MIB1: variants seen among roughly 807,000 people sequenced by gnomAD.
MIB1 encodes the protein E3 ubiquitin-protein ligase MIB1.
A neutral mutation model predicts 124.5 loss-of-function variants in MIB1; 278 were observed. The ratio of observed to expected loss-of-function variants is 2.23; its 90% confidence interval spans 2.02 to 2.47. The LOEUF (loss-of-function observed/expected upper bound fraction) is 2.47. MIB1 is among the 30% of genes most tolerant of loss of function. The pLI, the probability that MIB1 is intolerant of heterozygous loss-of-function variation, is 0.00. For synonymous variants in MIB1, 446 were observed against 429.4 expected (o/e 1.04, Z -0.48); for missense variants, 957 against 1,254.4 (o/e 0.76, Z 3.58).
chr18:21,863,867 G>A (rs2042297918), intron 20 of MIB1, among the ~76,000 whole-genome samples: 1 of 151,984 alleles, frequency 6.6e-6, no homozygotes, highest in African/African-American at 2.4e-5. Flanking sequence ...TTAGCTGGGT[G>A]TGGTGGTGCG....
intron 2 of MIB1, among the ~76,000 whole-genome samples, chr18:21,766,681 T>C (rs2041163334): frequency 6.6e-6 from 1 of 152,086 alleles, no homozygotes; most frequent in Admixed American, 6.6e-5. Context: ...TGAGTAATTT[T>C]GAACAAGTTG....
At position 21,778,088 on chromosome 18, in the gene MIB1, T is replaced by G; in HGVS notation, c.637-15T>G. The G allele has an allele frequency of 6.2e-7, 1 of 1,603,160 alleles. No homozygotes were observed. The highest frequency in any genetic ancestry group is 8.5e-7 in the Non-Finnish European group (1 of 1,170,848). ...AAGTTTCATGGGTGATTTTTCTGGT[T>G]TCTTTTCTTCTTAGTCTGATCTGAA... On this transcript the variant is annotated splice_polypyrimidine_tract_variant and intron_variant, in intron 4 of 20. Coordinates refer to ENST00000261537, the MANE Select transcript of MIB1 (RefSeq NM_020774.4).
chr18:21,836,134 C>T (rs1174710814), intron 12 of MIB1, among the ~76,000 whole-genome samples: 1 of 150,514 alleles, frequency 6.6e-6, no homozygotes, highest in East Asian at 2.0e-4. Context: ...TGTACCCATA[C>T]TCCCAGCTAC....
chr18:21,799,210 C>T (rs2041622026), intron 8 of MIB1, among the ~76,000 whole-genome samples: 1 of 151,966 alleles, frequency 6.6e-6, no homozygotes, highest in African/African-American at 2.4e-5. Flanking sequence ...AGCTTTGTAG[C>T]TTCTGTATTG....
At chr18:21,836,803 T>G (rs1362428818) in intron 12 of MIB1, among the ~76,000 whole-genome samples, 1 of 152,220 alleles carries the variant, frequency 6.6e-6, no homozygotes, top group Non-Finnish European at 1.5e-5. Context: ...TGCTCAAATG[T>G]GTAGGGTAAG....
At chr18:21,804,432 G>A (rs2041681974) in intron 10 of MIB1, among the ~76,000 whole-genome samples, 1 of 152,086 alleles carries the variant, frequency 6.6e-6, no homozygotes, top group African/African-American at 2.4e-5. Flanking sequence ...AAGTTTTATT[G>A]TTTCTTGACC....
At chr18:21,737,652 C>A (rs539001301), upstream of MIB1, among the ~76,000 whole-genome samples, 1 of 152,054 alleles carries the variant, frequency 6.6e-6, no homozygotes, top group African/African-American at 2.4e-5. Flanking sequence ...TACAAAGACA[C>A]ACATAGGCTC....
chr18:21,835,931 A>G (rs1461971962), intron 12 of MIB1, among the ~76,000 whole-genome samples: 2 of 151,516 alleles, frequency 1.3e-5, no homozygotes, highest in African/African-American at 4.9e-5. Flanking sequence ...AGTTGTCATA[A>G]TACTATTATA....
chr18:21,783,994 C>T (rs2041402959), intron 6 of MIB1, among the ~76,000 whole-genome samples: 1 of 151,602 alleles, frequency 6.6e-6, no homozygotes, highest in Admixed American at 6.6e-5. Context: ...CCTCCTGCCT[C>T]ACCCTCCCAC....
intron 1 of MIB1, among the ~76,000 whole-genome samples, chr18:21,707,040 A>C (rs1219707622): frequency 6.6e-6 from 1 of 152,238 alleles, no homozygotes; most frequent in East Asian, 1.9e-4. Context: ...TACACCAATC[A>C]GCACTCAGTG....
At chr18:21,769,965 A>T (rs2041206750) in intron 3 of MIB1, among the ~76,000 whole-genome samples, 1 of 152,170 alleles carries the variant, frequency 6.6e-6, no homozygotes, top group Non-Finnish European at 1.5e-5. Flanking sequence ...GCACTTTGGG[A>T]GGCTGAGGCG....
intron 10 of MIB1, among the ~76,000 whole-genome samples, chr18:21,814,844 G>C (rs954681318): frequency 2.7e-5 from 4 of 150,430 alleles, no homozygotes; most frequent in Admixed American, 1.3e-4. Context: ...AAAGTGCTGG[G>C]ATTACAGGTG....
In MIB1 at chr18:21,869,179, C is replaced by CTAA. The variant is rs2042339935; in HGVS notation, c.*4514_*4516dup. On this transcript the variant is annotated 3_prime_UTR_variant, in exon 21 of 21. Coordinates refer to ENST00000261537, the MANE Select transcript of MIB1 (RefSeq NM_020774.4). ...GTTGTGATCGACATGTACAAAATGTCTAAGAAAGGTCATATGCTGAATATT... is the reference window on the plus strand; with the variant it reads ...GTTGTGATCGACATGTACAAAATGTCTAATAAGAAAGGTCATATGCTGAATATT... 1 of 152,408 alleles carries CTAA rather than the reference C, an allele frequency of 6.6e-6. No homozygotes were observed. The highest frequency in any genetic ancestry group is 1.5e-5 in the Non-Finnish European group (1 of 67,872). 9.4% of individuals were successfully genotyped at this position (152,408 alleles called of 1,614,324 possible). A position where few individuals can be genotyped will look rare whatever the true frequency, so the allele number is the denominator to read the frequency against.
At position 21,713,612 on chromosome 18, in the gene MIB1, C is replaced by CAAAA. The variant is rs57282241; in HGVS notation, n.167+8511_167+8514dup. Among the ~76,000 whole-genome samples the CAAAA allele has an allele frequency of 2.2e-3, 98 of 44,194 alleles. 4 individuals carry two copies. The highest frequency in any genetic ancestry group is 6.2e-3 in the African/African-American group (83 of 13,440). 29.0% of individuals were successfully genotyped at this position (44,194 alleles called of 152,430 possible). ...CGGGCGACAGAGCAAGATTCTGTCT[C>CAAAA]AAAAAAAAAAAAAAAAAAAAAAAAA... On this transcript the variant is annotated intron_variant and non_coding_transcript_variant, in intron 1 of 20. Transcript: ENST00000578646.
intron 6 of MIB1, among the ~76,000 whole-genome samples, chr18:21,780,779 G>A (rs1269079991): frequency 6.6e-6 from 1 of 152,112 alleles, no homozygotes; most frequent in Admixed American, 6.6e-5. Context: ...ATCTATTTAT[G>A]AACACTTAGG....
chr18:21,773,036 C>G (rs1375842356), intron 3 of MIB1, among the ~76,000 whole-genome samples: 1 of 152,050 alleles, frequency 6.6e-6, no homozygotes, highest in Non-Finnish European at 1.5e-5. Flanking sequence ...GAGGCCTAGA[C>G]GGGCAGATCA....
At chr18:21,862,244 T>C (rs2042283257) in intron 20 of MIB1, among the ~76,000 whole-genome samples, 1 of 152,216 alleles carries the variant, frequency 6.6e-6, no homozygotes, top group South Asian at 2.1e-4. Flanking sequence ...GCTTTGCTTC[T>C]CAAAACTTTA....
intron 15 of MIB1, among the ~76,000 whole-genome samples, chr18:21,845,744 C>A (rs976447254): frequency 1.3e-5 from 2 of 152,134 alleles, no homozygotes; most frequent in Non-Finnish European, 2.9e-5. Context: ...CTGCCTCAGC[C>A]TCCCAAGTAG....
chr18:21,759,367 C>T (rs773379008), intron 1 of MIB1, among the ~76,000 whole-genome samples: 8 of 151,894 alleles, frequency 5.3e-5, no homozygotes, highest in East Asian at 1.9e-4. Flanking sequence ...CTCAGCCTCC[C>T]GAGTAGCTGG....
Sources: allele counts gnomAD v4.1 joint callset (sites outside exome capture counted in the v4.1 genomes callset), GRCh38; gene constraint gnomAD v4.1.1; transcripts MANE v1.5; gene names NCBI Gene and HGNC (gene_info 2026-07-23, HGNC 2026-07-21).